Variants in CGRRF1 observed in about 807,000 individuals in gnomAD.
The protein encoded by CGRRF1 is cell growth regulator with ring finger domain 1, also known as cell growth regulator with RING finger domain protein 1.
In CGRRF1, 32 loss-of-function variants were observed where a neutral mutation model predicts 37.2. That is an observed-to-expected ratio of 0.86 (90% CI 0.65 to 1.16). The LOEUF is 1.16. CGRRF1 is among the 50% of genes most tolerant of loss of function. The probability of loss-of-function intolerance (pLI) is 0.00; values close to 1 mark genes in which losing one functional copy is unlikely to be tolerated. For synonymous variants in CGRRF1, 141 were observed against 140.3 expected (o/e 1.00, Z -0.04); for missense variants, 391 against 382.6 (o/e 1.02, Z -0.18).
At chr14:54,529,947 T>C (rs1369292064) in intron 2 of CGRRF1, 102 bp from the exon 3 acceptor site, 13 of 905,126 alleles carry the variant, frequency 1.4e-5, no homozygotes, top group Non-Finnish European at 1.9e-5. Context: ...ACTGCCATCA[T>C]CCTGGCCAGC....
chr14:54,518,432 C>T (rs561248075), intron 1 of CGRRF1, among the ~76,000 whole-genome samples: 1 of 152,056 alleles, frequency 6.6e-6, no homozygotes, highest in Non-Finnish European at 1.5e-5. Context: ...TGCCTGGAAT[C>T]CCAGCTACTT....
intron 1 of CGRRF1, among the ~76,000 whole-genome samples, chr14:54,513,111 C>T (rs1039839136): frequency 6.6e-6 from 1 of 152,196 alleles, no homozygotes; most frequent in Non-Finnish European, 1.5e-5. Context: ...AGACTCCTGC[C>T]TGGACCCTGA....
At chr14:54,520,369 A>G (rs142440889) in intron 1 of CGRRF1, among the ~76,000 whole-genome samples, 3 of 152,208 alleles carry the variant, frequency 2.0e-5, no homozygotes, top group Non-Finnish European at 2.9e-5. Flanking sequence ...TCCTGGCCTC[A>G]TGATCCATCC....
At chr14:54,537,931 C>A in intron 5 of CGRRF1, 102 bp downstream of exon 5, 1 of 1,497,972 alleles carries the variant, frequency 6.7e-7, no homozygotes, top group East Asian at 2.5e-5. Flanking sequence ...TTAATAATTA[C>A]AGAAGATAAC....
chr14:54,521,542 T>C (rs1294227454), intron 1 of CGRRF1, among the ~76,000 whole-genome samples: 1 of 151,852 alleles, frequency 6.6e-6, no homozygotes, highest in Non-Finnish European at 1.5e-5. Flanking sequence ...TCTTGCTCTG[T>C]TGCCCAGGCT....
chr14:54,521,235 C>T (rs202215892), intron 1 of CGRRF1, among the ~76,000 whole-genome samples: 16 of 151,732 alleles, frequency 1.1e-4, no homozygotes, highest in African/African-American at 2.7e-4. Context: ...CTGAGGTGGG[C>T]GGATCACCTA....
rs192770942 is a variant in CGRRF1, at chr14:54,515,110, G to A, written c.104+5047G>A. ...TTTTTGTTTTTTTTTTTTTTTTTGA[G>A]ACAGAGTCTCGCTCTGTCACCAGGC... On this transcript the variant is annotated intron_variant, in intron 1 of 5. Coordinates refer to ENST00000216420, the MANE Select transcript of CGRRF1 (RefSeq NM_006568.3). 6.1e-3 allele frequency among the ~76,000 whole-genome samples: 776 copies of A among 128,238 alleles called. 9 individuals carry two copies. Among genetic ancestry groups the A allele is most frequent in the Admixed American group, 0.012 (133 of 11,480 alleles). The allele number at this position is 128,238 out of a possible 152,430, so 84.1% of individuals were successfully genotyped here.
chr14:54,519,866 C>G (rs902121273), intron 1 of CGRRF1, among the ~76,000 whole-genome samples: 29 of 152,204 alleles, frequency 1.9e-4, no homozygotes, highest in Admixed American at 1.8e-3. Context: ...ACACATCTGC[C>G]CATCACTTAG....
intron 1 of CGRRF1, among the ~76,000 whole-genome samples, chr14:54,521,460 T>G (rs2032315660): frequency 6.7e-6 from 1 of 148,182 alleles, no homozygotes; most frequent in Admixed American, 6.7e-5. Context: ...AAACTCCATC[T>G]CAAAAAAAAA....
intron 1 of CGRRF1, among the ~76,000 whole-genome samples, chr14:54,521,800 C>A (rs1342119515): frequency 6.6e-6 from 1 of 152,152 alleles, no homozygotes; most frequent in Non-Finnish European, 1.5e-5. Context: ...AGCCACCACA[C>A]CCGGCCAATA....
intron 4 of CGRRF1, among the ~76,000 whole-genome samples, chr14:54,533,341 C>T (rs1295252228): frequency 6.6e-6 from 1 of 151,958 alleles, no homozygotes; most frequent in Non-Finnish European, 1.5e-5. Context: ...CTGAGTGTCT[C>T]CCAAGGGTTA....
chr14:54,530,255 C>T (rs145219504), intron 3 of CGRRF1, 29 bp downstream of exon 3: 18,352 of 1,529,778 alleles, frequency 0.012, 672 homozygotes, highest in East Asian at 0.1. Flanking sequence ...TACCCATTAG[C>T]ACTGAAAATT....
At chr14:54,522,775 A>G (rs2032343614) in intron 2 of CGRRF1, among the ~76,000 whole-genome samples, 182 bp downstream of exon 2, 1 of 152,174 alleles carries the variant, frequency 6.6e-6, no homozygotes, top group Non-Finnish European at 1.5e-5. Context: ...TACAAACTTT[A>G]CTCCTGAAGA....
chr14:54,530,975 A>G lies in CGRRF1; in HGVS notation c.495A>G (p.Thr165=). The change falls in exon 4 of 6, where the codon ACA becomes ACG. Residue 165 remains threonine (T), a synonymous_variant. Transcript: ENST00000216420. The part of the protein sequence containing the change: ...PRDTKIEDFG[T]VPRSRYPLVA... ...ATACTAAAATTGAAGACTTTGGTAC[A>G]GTACCCAGATCTCGCTATCCATTGG... 1.2e-6 allele frequency: 2 copies of G among 1,609,922 alleles called. No homozygotes were observed. The highest frequency in any genetic ancestry group is 2.2e-5 in the South Asian group (2 of 90,956).
intron 2 of CGRRF1, 103 bp downstream of exon 2, chr14:54,522,696 A>G: frequency 1.8e-6 from 2 of 1,119,888 alleles, no homozygotes; most frequent in Non-Finnish European, 2.6e-6. Context: ...ACTTTTAACA[A>G]ACATTTGTTG....
intron 1 of CGRRF1, among the ~76,000 whole-genome samples, chr14:54,517,421 T>C (rs1431135965): frequency 6.6e-6 from 1 of 152,184 alleles, no homozygotes; most frequent in Non-Finnish European, 1.5e-5. Flanking sequence ...AAAAGTGAAT[T>C]TTTATTTCAT....
chr14:54,522,828 G>A (rs546310518), intron 2 of CGRRF1, among the ~76,000 whole-genome samples: 1 of 152,338 alleles, frequency 6.6e-6, no homozygotes, highest in East Asian at 1.9e-4. Flanking sequence ...ATACAAAGGA[G>A]TAGAATGAAG....
chr14:54,532,738 A>G (rs2032536659), intron 4 of CGRRF1, among the ~76,000 whole-genome samples: 1 of 151,840 alleles, frequency 6.6e-6, no homozygotes, highest in Non-Finnish European at 1.5e-5. Flanking sequence ...GACAATGTTA[A>G]TGAGCCTCAT....
In CGRRF1 at chr14:54,537,896, A is replaced by G. The variant is rs1230491995; in HGVS notation, c.678+67A>G. 2.6e-6 allele frequency: 4 copies of G among 1,544,218 alleles called. No individual in the cohort carries two copies. In the African/African-American group the frequency reaches 5.6e-5, roughly 22 times the overall value. The stretch of plus-strand genomic sequence containing the variant: ...ACAGAGTTTCAAAGAATGGCCATTT[A>G]TGGAAAGGTGATTATATTTTTCAGT... On this transcript the variant is annotated intron_variant, in intron 5 of 5. Coordinates refer to ENST00000216420, the MANE Select transcript of CGRRF1 (RefSeq NM_006568.3).
Sources: gnomAD v4.1 joint callset for allele counts (sites outside exome capture counted in the v4.1 genomes callset) on GRCh38, gnomAD v4.1.1 for gene constraint, MANE v1.5 for transcripts, NCBI Gene and HGNC (gene_info 2026-07-23, HGNC 2026-07-21) for gene names.